GSG1L: variants seen among roughly 807,000 people sequenced by gnomAD.
GSG1L encodes GSG1 like.
A neutral mutation model predicts 42.1 loss-of-function variants in GSG1L; 24 were observed. That is an observed-to-expected ratio of 0.57 (90% confidence interval 0.41 to 0.80). GSG1L has a LOEUF of 0.80. GSG1L is among the 30% of genes least tolerant of loss of function. The probability of loss-of-function intolerance (pLI) is 0.00; values close to 1 mark genes in which losing one functional copy is unlikely to be tolerated. For missense variants in GSG1L, 445 were observed against 472.2 expected (o/e 0.94, Z 0.53); for synonymous variants, 215 against 203.5 (o/e 1.06, Z -0.48).
Position 27,843,504 on chromosome 16 carries a change from T to TTAA in GSG1L, c.662+1445_662+1446insTTA, listed in dbSNP as rs1357286018. Among the ~76,000 whole-genome samples, 246 of 75,932 alleles carry TTAA rather than the reference T, an allele frequency of 3.2e-3. 4 individuals are homozygous for TTAA. Among genetic ancestry groups the TTAA allele is most frequent in the African/African-American group, 0.011 (229 of 20,598 alleles). The allele number at this position is 75,932 out of a possible 152,430, so 49.8% of individuals were successfully genotyped here. A position where few individuals can be genotyped will look rare whatever the true frequency, so the allele number is the denominator to read the frequency against. ...CCTGGGTGACAGAGCAGAGACTCTG[T>TTAA]AAAAAAAAAAAAAAAAAAAAAAAAA... On this transcript the variant is annotated intron_variant, in intron 4 of 6. Transcript: ENST00000447459.
intron 5 of GSG1L, among the ~76,000 whole-genome samples, chr16:27,811,651 C>CGTT (rs900279827): frequency 2.4e-4 from 37 of 152,092 alleles, no homozygotes; most frequent in Admixed American, 3.3e-4. Context: ...GGTTTCTTTT[C>CGTT]GTTGTTGTTG....
rs2082728496 is a variant in GSG1L at position 27,789,564 on chromosome 16, T to C, written c.*1806A>G. The C allele has an allele frequency of 6.6e-6, 1 of 151,500 alleles. No homozygotes were observed. Among genetic ancestry groups the C allele is most frequent in the African/African-American group, 2.4e-5 (1 of 41,160 alleles). 9.4% of individuals were successfully genotyped at this position (151,500 alleles called of 1,614,324 possible). A position where few individuals can be genotyped will look rare whatever the true frequency, so the allele number is the denominator to read the frequency against. ...AATGGATAAATGAAGAAATGCATAA[T>C]GGTTGAATGGATAAGGGATGAATGG... On this transcript the variant is annotated 3_prime_UTR_variant, in exon 7 of 7. Coordinates refer to ENST00000447459, the MANE Select transcript of GSG1L (RefSeq NM_001109763.2).
chr16:27,850,424 C>T (rs1003526417), intron 3 of GSG1L: 7 of 438,922 alleles, frequency 1.6e-5, no homozygotes, highest in East Asian at 7.1e-5. Context: ...GACTTAAATG[C>T]GTGAATCATC....
intron 5 of GSG1L, among the ~76,000 whole-genome samples, chr16:27,810,701 T>C (rs550365585): frequency 6.6e-6 from 1 of 152,156 alleles, no homozygotes; most frequent in African/African-American, 2.4e-5. Flanking sequence ...TTTTCTTTTT[T>C]TTTTTAGATG....
rs114700010 is a variant in GSG1L at position 27,889,875 on chromosome 16, T to C, written c.398-5237A>G. On this transcript the variant is annotated intron_variant, in intron 2 of 6. Coordinates refer to ENST00000447459, the MANE Select transcript of GSG1L (RefSeq NM_001109763.2). ...CTGATCTTAGACACAAAAATTTATG[T>C]GGATTATATCCCCGAATCTTCCTAA... Among the ~76,000 whole-genome samples the C allele has an allele frequency of 5.1e-3, 772 of 152,334 alleles. 10 individuals are homozygous for C. The highest frequency in any genetic ancestry group is 0.018 in the African/African-American group (731 of 41,570).
At chr16:28,010,086 C>T (rs986907927) in intron 1 of GSG1L, among the ~76,000 whole-genome samples, 4 of 152,194 alleles carry the variant, frequency 2.6e-5, no homozygotes, top group East Asian at 3.9e-4. Flanking sequence ...GCTTTGCACG[C>T]GTGAGGAAGA....
At chr16:27,846,765 T>C (rs1433826472) in intron 3 of GSG1L, among the ~76,000 whole-genome samples, 2 of 151,992 alleles carry the variant, frequency 1.3e-5, no homozygotes, top group Non-Finnish European at 2.9e-5. Context: ...CCCTCCTGGC[T>C]AATACGGTGA....
At chr16:27,996,682 C>A (rs1251184815) in intron 1 of GSG1L, among the ~76,000 whole-genome samples, 1 of 152,234 alleles carries the variant, frequency 6.6e-6, no homozygotes, top group Admixed American at 6.5e-5. Context: ...CCATCAGACG[C>A]TCTATTCATT....
intron 1 of GSG1L, among the ~76,000 whole-genome samples, chr16:27,999,952 A>G (rs13336535): frequency 7.2e-5 from 11 of 152,330 alleles, no homozygotes; most frequent in African/African-American, 2.4e-4. Flanking sequence ...GACGCTGGGA[A>G]ATGCAGAGAA....
At position 27,789,999 on chromosome 16, in the gene GSG1L, A is replaced by C. The variant is rs945761921; in HGVS notation, c.*1371T>G. On this transcript the variant is annotated 3_prime_UTR_variant, in exon 7 of 7. Coordinates refer to ENST00000447459, the MANE Select transcript of GSG1L (RefSeq NM_001109763.2). ...TAGCTGGATGAGTGATAGATGCTGG[A>C]TGGATGGATGGATGGATAGATGATG... The C allele has an allele frequency of 7.9e-5, 12 of 151,124 alleles. No homozygotes were observed. The highest frequency in any genetic ancestry group is 2.9e-4 in the African/African-American group (12 of 41,070). 9.4% of individuals were successfully genotyped at this position (151,124 alleles called of 1,614,324 possible). A position where few individuals can be genotyped will look rare whatever the true frequency, so the allele number is the denominator to read the frequency against.
intron 1 of GSG1L, among the ~76,000 whole-genome samples, chr16:28,023,507 G>A (rs1299495334): frequency 6.6e-6 from 1 of 152,210 alleles, no homozygotes; most frequent in Non-Finnish European, 1.5e-5. Flanking sequence ...AACATTTATG[G>A]TTCTGATACA....
chr16:28,026,187 T>C (rs1159390221), intron 1 of GSG1L, among the ~76,000 whole-genome samples: 1 of 152,150 alleles, frequency 6.6e-6, no homozygotes, highest in South Asian at 2.1e-4. Context: ...TGGGGGCACC[T>C]TGAGGGCAGG....
intron 3 of GSG1L, among the ~76,000 whole-genome samples, chr16:27,857,562 G>A (rs774534106): frequency 9.2e-5 from 14 of 151,784 alleles, no homozygotes; most frequent in Non-Finnish European, 1.8e-4. Context: ...GGCAACATAG[G>A]GAAACCCCAT....
intron 5 of GSG1L, among the ~76,000 whole-genome samples, chr16:27,817,961 T>C (rs1253622425): frequency 1.3e-5 from 2 of 152,184 alleles, no homozygotes; most frequent in Non-Finnish European, 2.9e-5. Flanking sequence ...TCCAGCCCAG[T>C]ACTTCGCAAA....
chr16:27,931,842 G>A (rs192296859), intron 2 of GSG1L, among the ~76,000 whole-genome samples: 1 of 152,302 alleles, frequency 6.6e-6, no homozygotes, highest in East Asian at 1.9e-4. Context: ...GCGCAGTGTG[G>A]AGAATCAGGC....
chr16:27,941,770 G>C (rs1446953828), intron 2 of GSG1L, among the ~76,000 whole-genome samples: 1 of 151,510 alleles, frequency 6.6e-6, no homozygotes, highest in Admixed American at 6.6e-5. Context: ...TGGCATATTA[G>C]CCTTAGGAAG....
At chr16:27,813,344 T>C (rs368041052) in intron 5 of GSG1L, among the ~76,000 whole-genome samples, 45 of 152,314 alleles carry the variant, frequency 3.0e-4, no homozygotes, top group African/African-American at 1.1e-3. Context: ...TGTTCCTGCG[T>C]TGGTTTGCTA....
chr16:27,817,158 G>A (rs901746948), intron 5 of GSG1L, among the ~76,000 whole-genome samples: 2 of 152,196 alleles, frequency 1.3e-5, no homozygotes, highest in African/African-American at 4.8e-5. Flanking sequence ...TGTACCTGCC[G>A]GCCTGATTCC....
intron 5 of GSG1L, among the ~76,000 whole-genome samples, chr16:27,822,189 G>A (rs1459473159): frequency 6.6e-6 from 1 of 152,116 alleles, no homozygotes; most frequent in Non-Finnish European, 1.5e-5. Context: ...CTCAAGGTAG[G>A]CATTAGCTCA....
Sources: allele counts gnomAD v4.1 joint callset (sites outside exome capture counted in the v4.1 genomes callset), GRCh38; gene constraint gnomAD v4.1.1; transcripts MANE v1.5; gene names NCBI Gene and HGNC (gene_info 2026-07-23, HGNC 2026-07-21).